The following UBR3 variants were observed in gnomAD, a reference collection of about 807,000 sequenced individuals.
The protein encoded by UBR3 is ubiquitin protein ligase E3 component n-recognin 3.
In UBR3, 85 loss-of-function variants were observed where a neutral mutation model predicts 243.2. The observed-to-expected ratio is 0.35, with a 90% CI of 0.29 to 0.42. The LOEUF is 0.42. UBR3 is among the 10% of genes least tolerant of loss of function. The pLI is 1.00. For synonymous variants in UBR3, 748 were observed against 799.8 expected (o/e 0.94, Z 1.09); for missense variants, 1,686 against 2,300.8 (o/e 0.73, Z 5.47).
intron 14 of UBR3, among the ~76,000 whole-genome samples, chr2:169,926,006 A>G (rs2085896597): frequency 8.3e-6 from 1 of 119,944 alleles, no homozygotes; most frequent in Non-Finnish European, 1.9e-5. Context: ...TCTGCAGGAA[A>G]GGCAAGGAAA....
At chr2:169,915,457 A>G (rs2085427462) in intron 11 of UBR3, among the ~76,000 whole-genome samples, 1 of 152,124 alleles carries the variant, frequency 6.6e-6, no homozygotes, top group Non-Finnish European at 1.5e-5. Context: ...GCTGGCCTGG[A>G]ACTCCTGACC....
intron 1 of UBR3, among the ~76,000 whole-genome samples, chr2:169,863,662 A>T (rs1232804318): frequency 6.6e-6 from 1 of 152,218 alleles, no homozygotes; most frequent in Non-Finnish European, 1.5e-5. Flanking sequence ...GAGATTGTTA[A>T]TACATGTTTA....
At position 170,010,399 on chromosome 2, in the gene UBR3, C is replaced by T. The variant is rs181543127; in HGVS notation, c.4367+1459C>T. On this transcript the variant is annotated intron_variant, in intron 29 of 38. Coordinates refer to ENST00000272793, the MANE Select transcript of UBR3 (RefSeq NM_172070.4). ...CATTTATGTTGCTCATTTATTTATG[C>T]CTTTAATTTTATTAGAGTTGACCTT... Among the ~76,000 whole-genome samples the T allele has an allele frequency of 9.2e-4, 140 of 152,114 alleles. 1 individual carries two copies. The highest frequency in any genetic ancestry group is 3.3e-3 in the African/African-American group (136 of 41,514).
rs775053761 is a variant in UBR3 at position 170,007,024 on chromosome 2, AAGG to A, written c.4067_4069del (p.Gly1356del). 2.5e-6 allele frequency: 4 copies of A among 1,612,312 alleles called. No homozygotes were observed. Among genetic ancestry groups the A allele is most frequent in the African/African-American group, 2.7e-5 (2 of 74,398 alleles). ...GTTCTTCAGGGCTTCTCGGTGGACAAAGGAGAATTCACGTGTCCACTCTGTAGG... is the reference window on the plus strand; with the variant it reads ...GTTCTTCAGGGCTTCTCGGTGGACAAAGAATTCACGTGTCCACTCTGTAGG... On this transcript the variant is annotated inframe_deletion, in exon 28 of 39. Coordinates refer to ENST00000272793, the MANE Select transcript of UBR3 (RefSeq NM_172070.4).
intron 28 of UBR3, 56 bp from the exon 29 acceptor site, chr2:170,008,748 C>T: frequency 1.1e-6 from 1 of 877,140 alleles, no homozygotes. Flanking sequence ...TAGTTTCAGA[C>T]CATTATTAAA....
In UBR3 at chr2:169,872,300, A is replaced by G; in HGVS notation, c.610A>G (p.Met204Val). Residue 204 changes from methionine to valine, a missense_variant, in exon 2 of 39, where the codon ATG becomes GTG. Met to Val is a conservative substitution (Grantham distance 21, BLOSUM62 1). Transcript: ENST00000272793. ...NIPCVPKDLL[M>V]MSEFVLPRFI... ...TCCCTGTGTCCCTAAAGACTTACTGATGATGTCTGAATTTGTTCTTCCAAG... is the reference window on the plus strand; with the variant it reads ...TCCCTGTGTCCCTAAAGACTTACTGGTGATGTCTGAATTTGTTCTTCCAAG... The G allele has an allele frequency of 6.5e-7, 1 of 1,536,434 alleles. No homozygotes were observed.
At chr2:169,863,512 T>A (rs2083157403) in intron 1 of UBR3, among the ~76,000 whole-genome samples, 1 of 152,182 alleles carries the variant, frequency 6.6e-6, no homozygotes, top group South Asian at 2.1e-4. Flanking sequence ...ACCTTCTTAA[T>A]CTTGCAAATC....
chr2:169,961,875 T>G (rs557530689), intron 24 of UBR3, among the ~76,000 whole-genome samples: 390 of 26,362 alleles, frequency 0.015, 2 homozygotes, highest in Middle Eastern at 0.12. Flanking sequence ...TTTTCCCATG[T>G]TTTTTTTTTT....
At chr2:169,858,659 G>A (rs1176034472) in intron 1 of UBR3, among the ~76,000 whole-genome samples, 2 of 151,936 alleles carry the variant, frequency 1.3e-5, no homozygotes, top group Non-Finnish European at 2.9e-5. Context: ...GAATGCAATG[G>A]GGTGATCTCA....
chr2:169,901,422 A>G (rs978963925), intron 8 of UBR3, among the ~76,000 whole-genome samples: 5 of 152,182 alleles, frequency 3.3e-5, no homozygotes, highest in East Asian at 3.8e-4. Flanking sequence ...GTAGCATAAG[A>G]TATCATGATA....
chr2:169,845,551 C>A (rs561466143), intron 1 of UBR3, among the ~76,000 whole-genome samples: 6 of 129,748 alleles, frequency 4.6e-5, no homozygotes, highest in Non-Finnish European at 8.0e-5. Flanking sequence ...TCTTCTTCTT[C>A]TTTCTTCTTC....
chr2:170,064,919 T>G (rs1348403587), intron 35 of UBR3, among the ~76,000 whole-genome samples: 1 of 150,852 alleles, frequency 6.6e-6, no homozygotes. Context: ...CTCGGCTCAC[T>G]GCAACCTCCA....
At chr2:169,939,434 A>ATTT (rs35441817) in intron 19 of UBR3, among the ~76,000 whole-genome samples, 14 of 141,560 alleles carry the variant, frequency 9.9e-5, no homozygotes, top group South Asian at 4.6e-4. Flanking sequence ...AATTTTTTGT[A>ATTT]TTTTTTTTTT....
At chr2:169,951,501 A>G (rs376713645) in intron 23 of UBR3, among the ~76,000 whole-genome samples, 8 of 152,158 alleles carry the variant, frequency 5.3e-5, no homozygotes, top group African/African-American at 1.9e-4. Context: ...GTAAACAGAT[A>G]GTTTGTTAGT....
chr2:170,000,592 A>AAGATAAC (rs1429379252), intron 26 of UBR3, among the ~76,000 whole-genome samples: 4 of 152,200 alleles, frequency 2.6e-5, no homozygotes, highest in African/African-American at 9.6e-5. Context: ...ATTCATGGAG[A>AAGATAAC]AGATAACAAT....
Position 169,947,585 on chromosome 2 carries a change from C to T in UBR3, c.2954C>T (p.Pro985Leu), listed in dbSNP as rs373525418. 154 of 1,522,330 alleles carry T rather than the reference C, an allele frequency of 1.0e-4. No homozygotes were observed. Among genetic ancestry groups the T allele is most frequent in the Non-Finnish European group, 1.3e-4 (150 of 1,133,838 alleles). 94.3% of individuals were successfully genotyped at this position (1,522,330 alleles called of 1,614,324 possible). A position where few individuals can be genotyped will look rare whatever the true frequency, so the allele number is the denominator to read the frequency against. The change falls in exon 22 of 39, where the codon CCT (proline) becomes CTT (leucine). Residue 985 changes from proline (P) to leucine (L), a missense_variant. Transcript: ENST00000272793. ...GAACGTTGTCATGACAGTTGGTTTC[C>T]TGGCAGTAACTTAGTGTCAAACATG... ...GPERCHDSWF[P>L]GSNLVSNMRH...
intron 1 of UBR3, among the ~76,000 whole-genome samples, chr2:169,839,102 A>G (rs1329826742): frequency 6.6e-6 from 1 of 152,244 alleles, no homozygotes; most frequent in Non-Finnish European, 1.5e-5. Context: ...ATAGTAGCCA[A>G]AATATGGAAT....
chr2:169,830,153 A>G (rs1429385208), intron 1 of UBR3, among the ~76,000 whole-genome samples: 1 of 151,002 alleles, frequency 6.6e-6, no homozygotes, highest in Non-Finnish European at 1.5e-5. Context: ...TGTGCGTGTG[A>G]ATTTGCCATT....
intron 1 of UBR3, among the ~76,000 whole-genome samples, chr2:169,846,709 CAAA>C (rs58234876): frequency 2.6e-5 from 3 of 114,720 alleles, no homozygotes; most frequent in African/African-American, 3.4e-5. Context: ...GACTCTGTCT[CAAA>C]AAAAAAAAAA....
Sources: gnomAD v4.1 joint callset for allele counts (sites outside exome capture counted in the v4.1 genomes callset) on GRCh38, gnomAD v4.1.1 for gene constraint, MANE v1.5 for transcripts, NCBI Gene and HGNC (gene_info 2026-07-23, HGNC 2026-07-21) for gene names.